Variants in LINGO2 observed in about 807,000 individuals in gnomAD.
LINGO2 encodes leucine-rich repeat and immunoglobulin-like domain-containing nogo receptor-interacting protein 2.
A neutral mutation model predicts 30.6 loss-of-function variants in LINGO2; 14 were observed. The observed-to-expected ratio is 0.46, with a 90% confidence interval of 0.30 to 0.72. The LOEUF (loss-of-function observed/expected upper bound fraction) is 0.72, where lower values mean the gene tolerates loss of function less well. Among genes scored for constraint, LINGO2 ranks in the 30% least tolerant of loss-of-function variants. The pLI, the probability that LINGO2 is intolerant of heterozygous loss-of-function variation, is 0.07. For synonymous variants in LINGO2, 317 were observed against 288.5 expected (o/e 1.10, Z -1.00); for missense variants, 729 against 751.7 (o/e 0.97, Z 0.35).
chr9:27,987,327 C>T (rs1169572861), intron 5 of LINGO2, among the ~76,000 whole-genome samples: 14 of 151,700 alleles, frequency 9.2e-5, no homozygotes, highest in Admixed American at 8.6e-4. Flanking sequence ...CCTCCCTTCC[C>T]TCCTTTCCTG....
intron 2 of LINGO2, among the ~76,000 whole-genome samples, chr9:28,376,874 T>A (rs993472929): frequency 6.6e-6 from 1 of 152,166 alleles, no homozygotes; most frequent in South Asian, 2.1e-4. Context: ...AAACGAAGAG[T>A]TGAAACAAAT....
the LINGO2 span, among the ~76,000 whole-genome samples, chr9:28,751,796 C>T: frequency 3.5e-4 from 53 of 151,856 alleles, no homozygotes; most frequent in African/African-American, 1.1e-3. Flanking sequence ...AAGATTTTAT[C>T]GTATGTATTG....
intron 1 of LINGO2, among the ~76,000 whole-genome samples, chr9:28,634,485 C>CT (rs755583837): frequency 0.15 from 19,122 of 124,596 alleles, 2,083 homozygotes; most frequent in African/African-American, 0.3. Context: ...TTCTTTTTTT[C>CT]TTTTTTTTTT....
At chr9:27,944,998 T>C (rs938566339), downstream of LINGO2, among the ~76,000 whole-genome samples, 2 of 152,226 alleles carry the variant, frequency 1.3e-5, no homozygotes, top group Non-Finnish European at 2.9e-5. Context: ...GCCTCCAACC[T>C]TCTTTAAAGT....
At chr9:28,782,891 C>T in the LINGO2 span, among the ~76,000 whole-genome samples, 1 of 152,130 alleles carries the variant, frequency 6.6e-6, no homozygotes, top group African/African-American at 2.4e-5. Flanking sequence ...ATGGCGCAGC[C>T]CCACTATACA....
chr9:28,349,786 C>A (rs1274714910), intron 3 of LINGO2, among the ~76,000 whole-genome samples: 1 of 151,660 alleles, frequency 6.6e-6, no homozygotes, highest in Admixed American at 6.6e-5. Context: ...GCCCATCAGA[C>A]TAACAGCGGA....
downstream of LINGO2, among the ~76,000 whole-genome samples, chr9:27,944,953 A>G (rs1247200750): frequency 6.6e-6 from 1 of 152,170 alleles, no homozygotes; most frequent in African/African-American, 2.4e-5. Flanking sequence ...AAAATTGGCA[A>G]GAAAGAAAAC....
intron 1 of LINGO2, among the ~76,000 whole-genome samples, chr9:28,535,355 T>C (rs1434747636): frequency 6.6e-6 from 1 of 152,082 alleles, no homozygotes; most frequent in Non-Finnish European, 1.5e-5. Context: ...ATTATATTAG[T>C]ATTCTGATAA....
chr9:28,604,980 T>C (rs536226415), intron 1 of LINGO2, among the ~76,000 whole-genome samples: 2 of 151,984 alleles, frequency 1.3e-5, no homozygotes, highest in African/African-American at 4.8e-5. Context: ...TACATGGATA[T>C]GCTAAATAAG....
chr9:29,068,490 A>G, the LINGO2 span, among the ~76,000 whole-genome samples: 1,121 of 151,890 alleles, frequency 7.4e-3, 16 homozygotes, highest in African/African-American at 0.026. Flanking sequence ...ATGTCAATAT[A>G]AGTATATCTT....
At chr9:28,887,143 C>T in the LINGO2 span, among the ~76,000 whole-genome samples, 4 of 152,146 alleles carry the variant, frequency 2.6e-5, no homozygotes, top group Non-Finnish European at 4.4e-5. Context: ...TATACAAACA[C>T]GCTTGTCAGT....
chr9:29,182,300 C>A, the LINGO2 span, among the ~76,000 whole-genome samples: 1 of 152,032 alleles, frequency 6.6e-6, no homozygotes, highest in Non-Finnish European at 1.5e-5. Flanking sequence ...AGAAAAAAAG[C>A]CTCATGGATA....
At chr9:28,315,583 C>T (rs944223363) in intron 3 of LINGO2, among the ~76,000 whole-genome samples, 2 of 151,994 alleles carry the variant, frequency 1.3e-5, no homozygotes, top group Non-Finnish European at 2.9e-5. Flanking sequence ...ATATTATATT[C>T]ATATTATCTA....
chr9:28,783,737 A>T, the LINGO2 span, among the ~76,000 whole-genome samples: 33 of 152,342 alleles, frequency 2.2e-4, no homozygotes, highest in African/African-American at 7.7e-4. Context: ...GTACAAAATC[A>T]ATGTCTTAGT....
At chr9:28,850,663 A>C in the LINGO2 span, among the ~76,000 whole-genome samples, 1 of 152,050 alleles carries the variant, frequency 6.6e-6, no homozygotes, top group Non-Finnish European at 1.5e-5. Flanking sequence ...TCTTGAAACA[A>C]GGTCAATATG....
chr9:28,596,186 A>G (rs1480219683), intron 1 of LINGO2, among the ~76,000 whole-genome samples: 2 of 152,098 alleles, frequency 1.3e-5, no homozygotes. Flanking sequence ...TCCTTTTTTC[A>G]TACCTAATAT....
At chr9:28,724,866 T>G in the LINGO2 span, among the ~76,000 whole-genome samples, 1 of 152,202 alleles carries the variant, frequency 6.6e-6, no homozygotes, top group Middle Eastern at 3.4e-3. Context: ...GCTCAAATAC[T>G]ACAAGAAAGA....
At chr9:28,945,477 T>C in the LINGO2 span, among the ~76,000 whole-genome samples, 6 of 152,158 alleles carry the variant, frequency 3.9e-5, no homozygotes, top group Non-Finnish European at 8.8e-5. Context: ...TTCTTACCTA[T>C]CTCTCTTAAC....
At chr9:28,167,372 G>T (rs112990216) in intron 4 of LINGO2, among the ~76,000 whole-genome samples, 81 of 152,142 alleles carry the variant, frequency 5.3e-4, no homozygotes, top group South Asian at 1.5e-3. Context: ...TTTCTCTGTT[G>T]TCTAATATTT....
Sources: gnomAD v4.1 joint callset for allele counts (sites outside exome capture counted in the v4.1 genomes callset) on GRCh38, gnomAD v4.1.1 for gene constraint, MANE v1.5 for transcripts, NCBI Gene and HGNC (gene_info 2026-07-23, HGNC 2026-07-21) for gene names.